SPTBN1: variants seen among roughly 807,000 people sequenced by gnomAD.
SPTBN1 encodes spectrin beta, non-erythrocytic 1.
SPTBN1 carries 32 observed loss-of-function variants against 266.4 expected under a neutral mutation model. The observed-to-expected ratio is 0.12, with a 90% CI of 0.09 to 0.16. The LOEUF is 0.16. Ranked by LOEUF, SPTBN1 falls within the 10% of genes least tolerant of loss-of-function variation. The probability of loss-of-function intolerance (pLI) is 1.00; values close to 1 mark genes in which losing one functional copy is unlikely to be tolerated. For synonymous variants in SPTBN1, 1,336 were observed against 1,162.2 expected, an observed-to-expected ratio of 1.15 and a Z score of -3.04; for missense variants, 2,296 against 3,067.1, an observed-to-expected ratio of 0.75 and a Z score of 5.94.
intron 3 of SPTBN1, 60 bp from the exon 4 acceptor site, chr2:54,612,101 T>A: frequency 2.0e-6 from 3 of 1,484,178 alleles, no homozygotes; most frequent in Non-Finnish European, 2.7e-6. Context: ...AGGCAGTAAC[T>A]CGGGGTTCAT....
chr2:54,564,934 A>C (rs1673566606), intron 2 of SPTBN1, among the ~76,000 whole-genome samples: 2 of 152,238 alleles, frequency 1.3e-5, no homozygotes, highest in South Asian at 4.1e-4. Flanking sequence ...CAAGCCGCTA[A>C]ATATTTGCTA....
At chr2:54,614,657 G>A (rs910643568) in intron 4 of SPTBN1, among the ~76,000 whole-genome samples, 30 of 152,050 alleles carry the variant, frequency 2.0e-4, no homozygotes, top group Non-Finnish European at 4.3e-4. Context: ...ACAAAAATTA[G>A]CCAGGTGTGG....
intron 17 of SPTBN1, among the ~76,000 whole-genome samples, chr2:54,636,132 T>A (rs766103623): frequency 6.6e-6 from 1 of 152,214 alleles, no homozygotes; most frequent in Non-Finnish European, 1.5e-5. Flanking sequence ...CCTTGGAGTT[T>A]TATATCATTT....
chr2:54,458,630 C>G (rs916173048), intron 1 of SPTBN1, among the ~76,000 whole-genome samples: 13 of 152,172 alleles, frequency 8.5e-5, no homozygotes, highest in Admixed American at 5.9e-4. Context: ...GGCATCTAGT[C>G]AGAAGGAGAT....
At position 54,665,924 on chromosome 2, in the gene SPTBN1, C is replaced by T. The variant is rs1681339006; in HGVS notation, c.6669C>T (p.His2223=). 1.2e-6 allele frequency: 2 copies of T among 1,613,294 alleles called. No individual in the cohort carries two copies. The highest frequency in any genetic ancestry group is 2.2e-5 in the South Asian group (2 of 90,900). The change falls in exon 34 of 36, where the codon CAC becomes CAT. Residue 2223 remains histidine (H), a synonymous_variant. Coordinates refer to ENST00000356805, the MANE Select transcript of SPTBN1 (RefSeq NM_003128.3). The part of the protein sequence containing the change: ...HNKKASSRSW[H]NVYCVINNQE... The stretch of plus-strand genomic sequence containing the variant: ...TTTTTAAACTGCACAGGTCCTGGCA[C>T]AATGTTTATTGTGTCATAAATAACC...
intron 2 of SPTBN1, among the ~76,000 whole-genome samples, chr2:54,560,454 T>G (rs1673221316): frequency 1.3e-5 from 2 of 152,036 alleles, no homozygotes; most frequent in South Asian, 4.2e-4. Flanking sequence ...AGGCTGTTAT[T>G]CCGAAAGGGC....
At chr2:54,614,992 T>C (rs574562248) in intron 4 of SPTBN1, among the ~76,000 whole-genome samples, 1 of 152,310 alleles carries the variant, frequency 6.6e-6, no homozygotes, top group South Asian at 2.1e-4. Context: ...AGCCTGACTT[T>C]CCTGGTGAGC....
chr2:54,630,840 C>A lies in SPTBN1; in HGVS notation c.2808-15C>A. ...TTCCCTTTTTCACACTCGCTGTCTG[C>A]CCCTGCACTCACAGGTGGAGCCAGT... On this transcript the variant is annotated splice_polypyrimidine_tract_variant and intron_variant, in intron 15 of 35. Transcript: ENST00000356805. 6.4e-7 allele frequency: 1 copy of A among 1,558,528 alleles called. No individual in the cohort carries two copies. Among genetic ancestry groups the A allele is most frequent in the Non-Finnish European group, 8.7e-7 (1 of 1,150,328 alleles).
intron 2 of SPTBN1, among the ~76,000 whole-genome samples, chr2:54,551,793 A>G (rs964983455): frequency 1.3e-5 from 2 of 152,200 alleles, no homozygotes; most frequent in African/African-American, 4.8e-5. Context: ...CAGAGATAAT[A>G]ATTCCTATGG....
At chr2:54,478,008 T>C (rs1418391888) in intron 1 of SPTBN1, among the ~76,000 whole-genome samples, 1 of 152,188 alleles carries the variant, frequency 6.6e-6, no homozygotes, top group Admixed American at 6.5e-5. Flanking sequence ...TTCCCAGTCT[T>C]ATCCTTTTTG....
chr2:54,512,685 T>C (rs1332426672), intron 1 of SPTBN1, among the ~76,000 whole-genome samples: 1 of 152,230 alleles, frequency 6.6e-6, no homozygotes, highest in African/African-American at 2.4e-5. Context: ...ATTTATAACC[T>C]TCTCTGAATA....
chr2:54,509,127 T>C (rs1487429649), intron 1 of SPTBN1, among the ~76,000 whole-genome samples: 1 of 152,172 alleles, frequency 6.6e-6, no homozygotes, highest in Admixed American at 6.5e-5. Flanking sequence ...CTGCCTTTGC[T>C]GGTGAGTGGC....
chr2:54,594,376 C>T lies in SPTBN1; in HGVS notation c.149-4716C>T, dbSNP rs138247100. On this transcript the variant is annotated intron_variant, in intron 2 of 35. Coordinates refer to ENST00000356805, the MANE Select transcript of SPTBN1 (RefSeq NM_003128.3). ...AGAATACAAATAAGATGCAATATAGCAGCTGTTTACACAATATTTACATTG... is the reference window on the plus strand; with the variant it reads ...AGAATACAAATAAGATGCAATATAGTAGCTGTTTACACAATATTTACATTG... Among the ~76,000 whole-genome samples the T allele has an allele frequency of 1.1e-4, 17 of 152,154 alleles. 1 individual carries two copies. The East Asian group carries it at 2.7e-3, about 24-fold the overall frequency.
In SPTBN1 at chr2:54,629,369, G is replaced by A. The variant is rs752973082; in HGVS notation, c.2235G>A (p.Leu745=). Residue 745 remains leucine, a synonymous_variant, in exon 14 of 36, where the codon CTG becomes CTA. Transcript: ENST00000356805. Reference sequence around the variant, plus strand: ...AGAAGCGCCTGGAGGAGGCCTCCCTGCTGCACCAGTTCCAGGCAGATGCTG... The same window carrying A: ...AGAAGCGCCTGGAGGAGGCCTCCCTACTGCACCAGTTCCAGGCAGATGCTG... The part of the protein sequence containing the change: ...IRKKRLEEAS[L]LHQFQADADD... 1 of 1,614,130 alleles carries A rather than the reference G, an allele frequency of 6.2e-7. No homozygotes were observed. The highest frequency in any genetic ancestry group is 1.7e-5 in the Admixed American group (1 of 60,030).
chr2:54,495,256 G>T (rs555895326), intron 1 of SPTBN1, among the ~76,000 whole-genome samples: 3 of 152,318 alleles, frequency 2.0e-5, no homozygotes. Flanking sequence ...TCACTGACGG[G>T]TGGTAAGCAG....
intron 1 of SPTBN1, among the ~76,000 whole-genome samples, chr2:54,482,937 G>A (rs1212360073): frequency 6.6e-6 from 1 of 152,206 alleles, no homozygotes; most frequent in East Asian, 1.9e-4. Flanking sequence ...AGCAGTTGGT[G>A]CAATGGATTA....
intron 2 of SPTBN1, among the ~76,000 whole-genome samples, chr2:54,588,401 T>C (rs1331661291): frequency 1.3e-5 from 2 of 152,172 alleles, no homozygotes; most frequent in Non-Finnish European, 1.5e-5. Flanking sequence ...CCTCAGGCAG[T>C]GTGGGATGGT....
intron 17 of SPTBN1, 94 bp from the exon 18 acceptor site, chr2:54,637,619 A>T (rs1293814818): frequency 2.0e-6 from 2 of 989,936 alleles, no homozygotes; most frequent in Admixed American, 2.2e-5. Context: ...TTTTTAGCAT[A>T]GTTAGGAATT....
At position 54,670,471 on chromosome 2, in the gene SPTBN1, T is replaced by G; in HGVS notation, c.*1902T>G. On this transcript the variant is annotated 3_prime_UTR_variant, in exon 36 of 36. Coordinates refer to ENST00000356805, the MANE Select transcript of SPTBN1 (RefSeq NM_003128.3). ...GCATCAAAGCTTTCTCTTAACTCTC[T>G]TACCTCTAGGCAAACTGAGACCTCA... 7.8e-6 allele frequency: 3 copies of G among 385,274 alleles called. No homozygotes were observed. The highest frequency in any genetic ancestry group is 1.4e-5 in the Non-Finnish European group (3 of 218,134). The allele number at this position is 385,274 out of a possible 1,614,324, so 23.9% of individuals were successfully genotyped here.
Sources: gnomAD v4.1 joint callset for allele counts (sites outside exome capture counted in the v4.1 genomes callset) on GRCh38, gnomAD v4.1.1 for gene constraint, MANE v1.5 for transcripts, NCBI Gene and HGNC (gene_info 2026-07-23, HGNC 2026-07-21) for gene names.